The following DMC1 variants were observed in gnomAD, a reference collection of about 807,000 sequenced individuals.
The protein encoded by DMC1 is meiotic recombination protein DMC1 homolog.
A neutral mutation model predicts 50.1 loss-of-function variants in DMC1; 27 were observed. The ratio of observed to expected loss-of-function variants is 0.54; its 90% confidence interval spans 0.40 to 0.74. DMC1 has a LOEUF of 0.74. DMC1 is among the 30% of genes least tolerant of loss of function. The pLI, the probability that DMC1 is intolerant of heterozygous loss-of-function variation, is 0.00. For missense variants in DMC1, 295 were observed against 420.2 expected (o/e 0.70, Z 2.60); for synonymous variants, 148 against 136.1 (o/e 1.09, Z -0.61).
intron 8 of DMC1, among the ~76,000 whole-genome samples, chr22:38,548,223 CT>C (rs930808234): frequency 5.9e-5 from 9 of 152,162 alleles, no homozygotes; most frequent in African/African-American, 2.2e-4. Context: ...CTTTCTCAAG[CT>C]GAATTCAATA....
Position 38,527,030 on chromosome 22 carries a change from T to C in DMC1, c.837-5306A>G, listed in dbSNP as rs192324566. Among the ~76,000 whole-genome samples, 4 of 152,214 alleles carry C rather than the reference T, an allele frequency of 2.6e-5. No homozygotes were observed. The East Asian group carries it at 7.7e-4, about 29-fold the overall frequency. ...ATGGTCAATTCACTGGAGAAATGGA[T>C]ACATCCCTGCAAAACCTCTCAGGTG... On this transcript the variant is annotated intron_variant, in intron 12 of 13. Coordinates refer to ENST00000216024, the MANE Select transcript of DMC1 (RefSeq NM_007068.4).
intron 12 of DMC1, among the ~76,000 whole-genome samples, chr22:38,536,594 T>C (rs768002062): frequency 2.0e-4 from 31 of 152,194 alleles, no homozygotes; most frequent in Admixed American, 4.6e-4. Flanking sequence ...ATATCTCATG[T>C]ATATCCTGTA....
rs767929404 is a variant in DMC1, at chr22:38,567,550, G to T, written c.96+33C>A. 3.2e-6 allele frequency: 5 copies of T among 1,552,646 alleles called. No individual in the cohort carries two copies. The East Asian group carries it at 9.0e-5, about 28-fold the overall frequency. ...GTTGATGCTGAGAAATCCTGAATCA[G>T]ACAATTTAACACAGCATTGAAAAAC... On this transcript the variant is annotated intron_variant, in intron 3 of 13. Coordinates refer to ENST00000216024, the MANE Select transcript of DMC1 (RefSeq NM_007068.4).
the DMC1 span, among the ~76,000 whole-genome samples, chr22:38,509,284 A>G: frequency 6.6e-6 from 1 of 152,006 alleles, no homozygotes. Context: ...TAGGCCCAGC[A>G]TCCGTTAGCT....
At chr22:38,557,493 C>T (rs779313809) in intron 5 of DMC1, among the ~76,000 whole-genome samples, 5 of 151,914 alleles carry the variant, frequency 3.3e-5, no homozygotes, top group Non-Finnish European at 5.9e-5. Flanking sequence ...ATCGCTCGAG[C>T]CTGGGAGTTC....
intron 7 of DMC1, among the ~76,000 whole-genome samples, chr22:38,552,452 C>T (rs2090423179): frequency 1.3e-5 from 2 of 152,182 alleles, no homozygotes; most frequent in South Asian, 2.1e-4. Context: ...TCTATTTCTA[C>T]TCAGGTGTTC....
intron 5 of DMC1, among the ~76,000 whole-genome samples, chr22:38,561,995 A>T (rs2090532429): frequency 6.6e-6 from 1 of 152,212 alleles, no homozygotes; most frequent in African/African-American, 2.4e-5. Context: ...CTTCATATGG[A>T]GAAGGAAAGT....
intron 12 of DMC1, among the ~76,000 whole-genome samples, chr22:38,524,301 C>G (rs942674524): frequency 2.0e-5 from 3 of 152,122 alleles, no homozygotes; most frequent in African/African-American, 7.2e-5. Context: ...GCAGTCCCAG[C>G]TACTCAGGAA....
At chr22:38,562,411 A>G in intron 4 of DMC1, 42 bp from the exon 5 acceptor site, 3 of 1,385,728 alleles carry the variant, frequency 2.2e-6, no homozygotes, top group Non-Finnish European at 3.1e-6. Flanking sequence ...GAGTTTAAAG[A>G]TCATGGTTGT....
intron 8 of DMC1, among the ~76,000 whole-genome samples, chr22:38,540,128 G>A (rs1054352233): frequency 6.6e-6 from 1 of 152,066 alleles, no homozygotes; most frequent in Non-Finnish European, 1.5e-5. Context: ...TCTTCTAAAG[G>A]AGTTGTTAGC....
the DMC1 span, among the ~76,000 whole-genome samples, chr22:38,513,334 A>G: frequency 2.8e-4 from 43 of 152,272 alleles, no homozygotes; most frequent in East Asian, 1.2e-3. Flanking sequence ...TTCATATTCA[A>G]TGTCTCAGGA....
Position 38,521,704 on chromosome 22 carries a change from T to G in DMC1, c.857A>C (p.Lys286Thr), listed in dbSNP as rs2090030704. ...AGCCAGAATGTGTCCCCCAATGGGT[T>G]TTTTGGGATCTGCCTGAAAGCTGAA... ...ATMTFQADPK[K>T]PIGGHILAHA... The change falls in exon 13 of 14, where the codon AAA (lysine) becomes ACA (threonine). Residue 286 changes from lysine to threonine, a missense_variant. Transcript: ENST00000216024. 1 of 1,613,788 alleles carries G rather than the reference T, an allele frequency of 6.2e-7. No homozygotes were observed. The highest frequency in any genetic ancestry group is 1.1e-5 in the South Asian group (1 of 91,068).
At chr22:38,541,140 A>AT (rs1164046205) in intron 8 of DMC1, among the ~76,000 whole-genome samples, 1 of 152,094 alleles carries the variant, frequency 6.6e-6, no homozygotes, top group Non-Finnish European at 1.5e-5. Flanking sequence ...CCAAACCTCC[A>AT]TGATTTAGCA....
chr22:38,524,937 C>T (rs1380337447), intron 12 of DMC1, among the ~76,000 whole-genome samples: 2 of 151,922 alleles, frequency 1.3e-5, no homozygotes, highest in Admixed American at 1.3e-4. Context: ...GGCACATGCC[C>T]GTAATCCCAG....
intron 4 of DMC1, among the ~76,000 whole-genome samples, chr22:38,564,779 C>G (rs1250274872): frequency 6.6e-6 from 1 of 152,160 alleles, no homozygotes; most frequent in East Asian, 1.9e-4. Flanking sequence ...AGAGCAGTTT[C>G]CCAAACCCTG....
At chr22:38,563,702 ATTT>A (rs771535595) in intron 4 of DMC1, among the ~76,000 whole-genome samples, 1 of 142,514 alleles carries the variant, frequency 7.0e-6, no homozygotes. Flanking sequence ...ATCTCCACAA[ATTT>A]TTTTTTTTTT....
intron 5 of DMC1, among the ~76,000 whole-genome samples, chr22:38,559,159 A>G (rs1002377409): frequency 6.6e-6 from 1 of 152,132 alleles, no homozygotes; most frequent in African/African-American, 2.4e-5. Flanking sequence ...CCTCCCGAGT[A>G]GCTGTGACCA....
chr22:38,549,779 T>TAA lies in DMC1; in HGVS notation c.494+144_494+145dup, dbSNP rs2090383715. 11 of 650,846 alleles carry TAA rather than the reference T, an allele frequency of 1.7e-5. No homozygotes were observed. In the East Asian group the frequency reaches 2.8e-4, roughly 16 times the overall value. The allele number at this position is 650,846 out of a possible 1,614,324, so 40.3% of individuals were successfully genotyped here. On this transcript the variant is annotated intron_variant, in intron 8 of 13. Coordinates refer to ENST00000216024, the MANE Select transcript of DMC1 (RefSeq NM_007068.4). ...TTAAATACAAAGTGATTGGAGAACT[T>TAA]AAACAGTAATTGTTTTCCCTTTGGT...
At position 38,519,063 on chromosome 22, in the gene DMC1, GT is replaced by G. The variant is rs376163280; in HGVS notation, c.*956del. 11,454 of 137,908 alleles carry G rather than the reference GT, an allele frequency of 0.083. 676 individuals carry two copies. The highest frequency in any genetic ancestry group is 0.23 in the African/African-American group (8,646 of 37,402). The allele number at this position is 137,908 out of a possible 1,614,324, so 8.5% of individuals were successfully genotyped here. A position where few individuals can be genotyped will look rare whatever the true frequency, so the allele number is the denominator to read the frequency against. The stretch of plus-strand genomic sequence containing the variant: ...AAATTAATTTTAACATTTTAAAAAA[GT>G]TTTTTTTTTTTTTTTGAGACGGAGT... On this transcript the variant is annotated 3_prime_UTR_variant, in exon 14 of 14. Transcript: ENST00000216024.
Sources: allele counts gnomAD v4.1 joint callset (sites outside exome capture counted in the v4.1 genomes callset), GRCh38; gene constraint gnomAD v4.1.1; transcripts MANE v1.5; gene names NCBI Gene and HGNC (gene_info 2026-07-23, HGNC 2026-07-21).